The following PTBP2 variants were observed in gnomAD, a reference collection of about 807,000 sequenced individuals.
PTBP2 encodes polypyrimidine tract-binding protein 2.
In PTBP2, 13 loss-of-function variants were observed where a neutral mutation model predicts 61.4. That is an observed-to-expected ratio of 0.21 (90% CI 0.14 to 0.34). The LOEUF (loss-of-function observed/expected upper bound fraction) is 0.34. Among genes scored for constraint, PTBP2 ranks in the 10% least tolerant of loss-of-function variants. The probability of loss-of-function intolerance (pLI) is 1.00; values close to 1 mark genes in which losing one functional copy is unlikely to be tolerated. For missense variants in PTBP2, 405 were observed against 642.6 expected (o/e 0.63, Z 4.00); for synonymous variants, 215 against 218.5 (o/e 0.98, Z 0.14).
At chr1:96,788,678 C>T (rs1322301875) in intron 8 of PTBP2, among the ~76,000 whole-genome samples, 2 of 151,916 alleles carry the variant, frequency 1.3e-5, no homozygotes, top group Admixed American at 1.3e-4. Flanking sequence ...TACTCTTTTG[C>T]TAAAATTTGT....
intron 2 of PTBP2, among the ~76,000 whole-genome samples, chr1:96,745,401 A>G (rs1396944602): frequency 6.6e-6 from 1 of 152,018 alleles, no homozygotes; most frequent in Admixed American, 6.6e-5. Context: ...TGACCTCGTG[A>G]TCCGTCTGCC....
intron 2 of PTBP2, among the ~76,000 whole-genome samples, chr1:96,739,350 A>T (rs1652667939): frequency 6.6e-6 from 1 of 152,158 alleles, no homozygotes; most frequent in Non-Finnish European, 1.5e-5. Context: ...TTTTAAGTGT[A>T]CACTTAAATT....
chr1:96,782,703 G>A (rs1298622347), intron 7 of PTBP2, among the ~76,000 whole-genome samples: 1 of 151,916 alleles, frequency 6.6e-6, no homozygotes, highest in Admixed American at 6.6e-5. Flanking sequence ...AAAGAATTTG[G>A]AAGTTAAGGT....
At chr1:96,735,984 A>G (rs1407302379) in intron 2 of PTBP2, among the ~76,000 whole-genome samples, 2 of 152,200 alleles carry the variant, frequency 1.3e-5, no homozygotes, top group African/African-American at 4.8e-5. Flanking sequence ...CAGATTCCCT[A>G]AAGAATAAGA....
rs150766593 is a variant in PTBP2, at chr1:96,780,809, C to T, written c.708+2863C>T. 5.3e-5 allele frequency among the ~76,000 whole-genome samples: 8 copies of T among 152,178 alleles called. No individual in the cohort carries two copies. The East Asian group carries it at 1.5e-3, about 29-fold the overall frequency. On this transcript the variant is annotated intron_variant, in intron 7 of 13. Coordinates refer to ENST00000674951, the MANE Select transcript of PTBP2 (RefSeq NM_021190.4). Reference sequence around the variant, plus strand: ...TGGCGGACTAATGAATATCTTCAAACAGTGTGTTCAATCTAGCTCCTGTTT... The same window carrying T: ...TGGCGGACTAATGAATATCTTCAAATAGTGTGTTCAATCTAGCTCCTGTTT...
chr1:96,726,439 AT>A (rs543660895), intron 2 of PTBP2, among the ~76,000 whole-genome samples: 11,344 of 123,274 alleles, frequency 0.092, 529 homozygotes, highest in Middle Eastern at 0.19. Flanking sequence ...TGCCAGACTA[AT>A]TTTTTTTTTT....
chr1:96,808,851 A>C (rs143236735), intron 11 of PTBP2, among the ~76,000 whole-genome samples: 1 of 152,034 alleles, frequency 6.6e-6, no homozygotes, highest in Non-Finnish European at 1.5e-5. Context: ...ACAAAACTCT[A>C]TGGTGTACTA....
intron 2 of PTBP2, among the ~76,000 whole-genome samples, chr1:96,744,783 A>G (rs905971155): frequency 1.7e-4 from 26 of 152,332 alleles, no homozygotes; most frequent in African/African-American, 5.5e-4. Flanking sequence ...TGGTTTGATC[A>G]TTCTTTTACT....
intron 5 of PTBP2, among the ~76,000 whole-genome samples, chr1:96,774,431 A>G (rs1437429991): frequency 1.3e-5 from 2 of 152,202 alleles, no homozygotes; most frequent in African/African-American, 4.8e-5. Context: ...ATTCTCAGCT[A>G]ATGATAACCT....
At chr1:96,772,351 A>G (rs1484742347) in intron 5 of PTBP2, among the ~76,000 whole-genome samples, 2 of 152,220 alleles carry the variant, frequency 1.3e-5, no homozygotes, top group Non-Finnish European at 2.9e-5. Context: ...GCTGCCAGCC[A>G]TCAGTCAACT....
At position 96,724,340 on chromosome 1, in the gene PTBP2, T is replaced by C. The variant is rs372938317; in HGVS notation, c.39+746T>C. Among the ~76,000 whole-genome samples, 43 of 152,192 alleles carry C rather than the reference T, an allele frequency of 2.8e-4. No homozygotes were observed. In the East Asian group the frequency reaches 7.8e-3, roughly 27 times the overall value. On this transcript the variant is annotated intron_variant, in intron 2 of 13. Coordinates refer to ENST00000674951, the MANE Select transcript of PTBP2 (RefSeq NM_021190.4). The stretch of plus-strand genomic sequence containing the variant: ...ATCTTGGCCCACTGCAACCTCTGCC[T>C]CCTGGGTTCAAGCAGTTCTCCTGCC...
chr1:96,727,067 T>C (rs986669213), intron 2 of PTBP2, among the ~76,000 whole-genome samples: 1 of 152,206 alleles, frequency 6.6e-6, no homozygotes, highest in Non-Finnish European at 1.5e-5. Context: ...CCTTTCTGCT[T>C]TTCTTTCCCC....
At chr1:96,751,560 C>G (rs1450627216) in intron 3 of PTBP2, 60 bp downstream of exon 3, 2 of 1,298,952 alleles carry the variant, frequency 1.5e-6, no homozygotes, top group South Asian at 1.3e-5. Context: ...AATGTTAAAA[C>G]TCAAATTTAA....
At chr1:96,777,014 G>C (rs1415054402) in intron 5 of PTBP2, among the ~76,000 whole-genome samples, 1 of 152,034 alleles carries the variant, frequency 6.6e-6, no homozygotes, top group Non-Finnish European at 1.5e-5. Context: ...ATATCTTGAA[G>C]TTTACCTGAG....
intron 7 of PTBP2, chr1:96,784,854 AT>A (rs1330998177): frequency 2.2e-6 from 1 of 458,602 alleles, no homozygotes; most frequent in Non-Finnish European, 3.8e-6. Flanking sequence ...TTGAAGTAGC[AT>A]TTTCTATTTA....
chr1:96,799,808 A>G (rs768863387), intron 8 of PTBP2, among the ~76,000 whole-genome samples: 1 of 152,224 alleles, frequency 6.6e-6, no homozygotes, highest in Non-Finnish European at 1.5e-5. Context: ...ATAGTGCATC[A>G]TGAAATATTT....
intron 11 of PTBP2, among the ~76,000 whole-genome samples, chr1:96,809,697 T>A (rs528841098): frequency 3.9e-5 from 6 of 152,078 alleles, no homozygotes; most frequent in South Asian, 2.1e-4. Context: ...TATTATTATT[T>A]TTTGTAGAGA....
chr1:96,801,130 T>C (rs957867596), intron 8 of PTBP2, among the ~76,000 whole-genome samples: 3 of 152,156 alleles, frequency 2.0e-5, no homozygotes, highest in African/African-American at 7.2e-5. Context: ...ATACTGTATT[T>C]AAATAGATTG....
Position 96,769,686 on chromosome 1 carries a change from T to G in PTBP2, c.116-17T>G. 2.0e-6 allele frequency: 3 copies of G among 1,528,840 alleles called. No individual in the cohort carries two copies. The highest frequency in any genetic ancestry group is 2.6e-6 in the Non-Finnish European group (3 of 1,136,518). 94.7% of individuals were successfully genotyped at this position (1,528,840 alleles called of 1,614,324 possible). On this transcript the variant is annotated splice_polypyrimidine_tract_variant and intron_variant, in intron 3 of 13. Coordinates refer to ENST00000674951, the MANE Select transcript of PTBP2 (RefSeq NM_021190.4). Reference sequence around the variant, plus strand: ...TTTATTGTTGATATATAAGGACTGTTTTTTAATGTCTTTCAGCCAATGGTA... The same window carrying G: ...TTTATTGTTGATATATAAGGACTGTGTTTTAATGTCTTTCAGCCAATGGTA...
Sources: gnomAD v4.1 joint callset for allele counts (sites outside exome capture counted in the v4.1 genomes callset) on GRCh38, gnomAD v4.1.1 for gene constraint, MANE v1.5 for transcripts, NCBI Gene and HGNC (gene_info 2026-07-23, HGNC 2026-07-21) for gene names.